CC2D2B: variants seen among roughly 807,000 people sequenced by gnomAD.
The protein encoded by CC2D2B is protein CC2D2B.
In CC2D2B, 128 loss-of-function variants were observed where a neutral mutation model predicts 161.2. That is an observed-to-expected ratio of 0.79 (90% CI 0.69 to 0.92). CC2D2B has a LOEUF of 0.92. Ranked by LOEUF, CC2D2B falls within the 40% of genes least tolerant of loss-of-function variation. The pLI is 0.00. For missense variants in CC2D2B, 1,173 were observed against 1,375.1 expected (o/e 0.85, Z 2.32); for synonymous variants, 391 against 449.8 (o/e 0.87, Z 1.65).
At chr10:95,950,477 A>G (rs41291588) in intron 10 of CC2D2B, 20,726 of 153,542 alleles carry the variant, frequency 0.13, 1,501 homozygotes, top group Middle Eastern at 0.2. Flanking sequence ...CTTGGTCTGA[A>G]GATGATTAAT....
At chr10:96,024,816 C>A in intron 32 of CC2D2B, 37 bp from the exon 33 acceptor site, 2 of 1,221,544 alleles carry the variant, frequency 1.6e-6, no homozygotes, top group South Asian at 2.6e-5. Flanking sequence ...TAAACATGGT[C>A]TCTAGAATCT....
In CC2D2B at chr10:95,991,407, G is replaced by T; in HGVS notation, c.2417G>T (p.Ser806Ile). 8.7e-7 allele frequency: 1 copy of T among 1,151,052 alleles called. No individual in the cohort carries two copies. Among genetic ancestry groups the T allele is most frequent in the Non-Finnish European group, 1.1e-6 (1 of 913,702 alleles). 71.3% of individuals were successfully genotyped at this position (1,151,052 alleles called of 1,614,324 possible). A position where few individuals can be genotyped will look rare whatever the true frequency, so the allele number is the denominator to read the frequency against. The change falls in exon 21 of 35, where the codon AGC becomes ATC. Residue 806 changes from serine (S) to isoleucine (I), a missense_variant. Around this residue, in one of 3 missense-constraint regions of CC2D2B, gnomAD observed 598 missense variants for 693.2 expected, o/e 0.86. Transcript: ENST00000646931. ...RLIMKRIVKI[S>I]KCNLSDIVND... ...ATAATGAAGAGAATTGTTAAAATTA[G>T]CAAATGTAACTTGTCAGATATTGTG...
At position 96,027,311 on chromosome 10, in the gene CC2D2B, T is replaced by G. The variant is rs776679699; in HGVS notation, c.4047T>G (p.Pro1349=). ...CTTTTATTTTGCGACAAATCCTTCC[T>G]AAGCTGGAATTTGGCATAGGAAGCT... The part of the protein sequence containing the change: ...QCTFILRQIL[P]KLEFGIGSFV... The change falls in exon 34 of 35, where the codon CCT becomes CCG. Residue 1349 remains proline (P), a synonymous_variant. Transcript: ENST00000646931. 3.2e-6 allele frequency: 5 copies of G among 1,551,320 alleles called. No individual in the cohort carries two copies. The highest frequency in any genetic ancestry group is 4.4e-6 in the Non-Finnish European group (5 of 1,146,796).
At chr10:96,012,430 C>A in intron 27 of CC2D2B, 63 bp downstream of exon 27, 2 of 826,410 alleles carry the variant, frequency 2.4e-6, no homozygotes, top group South Asian at 1.6e-5. Flanking sequence ...ATTTTAAAAA[C>A]CAGTAATAAT....
At chr10:95,924,024 A>C (rs2098533459) in intron 3 of CC2D2B, among the ~76,000 whole-genome samples, 1 of 152,144 alleles carries the variant, frequency 6.6e-6, no homozygotes, top group Non-Finnish European at 1.5e-5. Context: ...TCTGTCTCAA[A>C]AAAAATAAAA....
rs915821636 is a variant in CC2D2B at position 95,983,697 on chromosome 10, C to T, written c.2174C>T (p.Ala725Val). The T allele has an allele frequency of 3.3e-6, 4 of 1,230,570 alleles. No homozygotes were observed. Among genetic ancestry groups the T allele is most frequent in the Non-Finnish European group, 4.1e-6 (4 of 986,810 alleles). 76.2% of individuals were successfully genotyped at this position (1,230,570 alleles called of 1,614,324 possible). A position where few individuals can be genotyped will look rare whatever the true frequency, so the allele number is the denominator to read the frequency against. Residue 725 changes from alanine to valine, a missense_variant, in exon 19 of 35, where the codon GCA becomes GTA. By Grantham distance (64) the Ala-to-Val change is moderately conservative (BLOSUM62 0). Coordinates refer to ENST00000646931, the MANE Select transcript of CC2D2B (RefSeq NM_001349008.3). ...EFNFVSEEEM[A>V]KSKRFQLLQL... ...AACTTCGTTTCTGAAGAGGAAATGG[C>T]AAAGAGTAAACGTTTCCAGCTATTG...
In CC2D2B at chr10:96,031,971, T is replaced by A. The variant is rs2080084250; in HGVS notation, c.4277T>A (p.Val1426Glu). ...CCATACCCAAACAACATATTATCTG[T>A]GTGGGTCTATTTGGCTTCCTTAGTT... Reference protein sequence around the residue: ...IHPYPNNILSVWVYLASLVQH... With the variant: ...IHPYPNNILSEWVYLASLVQH... The change falls in exon 35 of 35, where the codon GTG becomes GAG. Residue 1426 changes from valine to glutamate, a missense_variant. Val to Glu is a moderately radical substitution (Grantham distance 121, BLOSUM62 -2). Transcript: ENST00000646931. 5 of 1,613,504 alleles carry A rather than the reference T, an allele frequency of 3.1e-6. No individual in the cohort carries two copies. The Admixed American group carries it at 8.3e-5, about 27-fold the overall frequency.
intron 25 of CC2D2B, among the ~76,000 whole-genome samples, chr10:96,005,569 CCT>C (rs1004647084): frequency 3.6e-4 from 54 of 152,010 alleles, no homozygotes; most frequent in Admixed American, 3.1e-3. Flanking sequence ...TTTCATTTTT[CCT>C]CTTTTTTTCT....
chr10:95,941,306 C>T (rs1009420016), intron 9 of CC2D2B, among the ~76,000 whole-genome samples: 5 of 152,012 alleles, frequency 3.3e-5, no homozygotes, highest in Admixed American at 3.3e-4. Flanking sequence ...GATATGACAC[C>T]AAAAGCGTAG....
chr10:95,968,656 T>G, intron 14 of CC2D2B, 68 bp from the exon 15 acceptor site: 2 of 604,344 alleles, frequency 3.3e-6, no homozygotes, highest in Non-Finnish European at 4.8e-6. Flanking sequence ...AATATACATT[T>G]TGAAAGAACA....
intron 2 of CC2D2B, among the ~76,000 whole-genome samples, chr10:95,916,517 T>A (rs1020986874): frequency 5.9e-5 from 9 of 152,070 alleles, no homozygotes; most frequent in Non-Finnish European, 1.5e-5. Context: ...TTTAAAAAAT[T>A]TTTTGACATA....
At chr10:95,933,686 C>G (rs1186151800) in intron 6 of CC2D2B, among the ~76,000 whole-genome samples, 2 of 152,194 alleles carry the variant, frequency 1.3e-5, no homozygotes, top group African/African-American at 4.8e-5. Flanking sequence ...TCCAGACCCC[C>G]TTTGCCTGGG....
chr10:95,967,915 G>T (rs568183838), intron 14 of CC2D2B, among the ~76,000 whole-genome samples: 1 of 152,070 alleles, frequency 6.6e-6, no homozygotes, highest in South Asian at 2.1e-4. Flanking sequence ...TTCAACTTAG[G>T]GTTTATCTTC....
chr10:96,019,795 G>A lies in CC2D2B; in HGVS notation c.3859G>A (p.Val1287Ile), dbSNP rs764238101. ...CTGGAAGCAGTTGCTTCCAAAAAAC[G>A]TTCAAGGAACAAAAATACAAAGCAT... The part of the protein sequence containing the change: ...SFWKQLLPKN[V>I]QGTKIQSIQP... The change falls in exon 32 of 35, where the codon GTT becomes ATT. Residue 1287 changes from valine to isoleucine, a missense_variant. Physicochemically the swap from Val to Ile is conservative, Grantham distance 29. Coordinates refer to ENST00000646931, the MANE Select transcript of CC2D2B (RefSeq NM_001349008.3). 34 of 1,606,042 alleles carry A rather than the reference G, an allele frequency of 2.1e-5. No individual in the cohort carries two copies. The highest frequency in any genetic ancestry group is 2.7e-5 in the Non-Finnish European group (32 of 1,177,856).
chr10:96,029,284 ATGTATATATATATATATATATG>A (rs2079949804), intron 34 of CC2D2B, among the ~76,000 whole-genome samples: 1 of 53,760 alleles, frequency 1.9e-5, no homozygotes, highest in Non-Finnish European at 3.5e-5. Flanking sequence ...ATATATATAT[ATGTATATATATATATATATATG>A]TATATCTATA....
At chr10:96,024,753 C>T in intron 32 of CC2D2B, 100 bp from the exon 33 acceptor site, 4 of 609,774 alleles carry the variant, frequency 6.6e-6, no homozygotes, top group East Asian at 6.7e-5. Flanking sequence ...GCCACAGAAG[C>T]CTGGTTTGTC....
intron 9 of CC2D2B, among the ~76,000 whole-genome samples, chr10:95,947,113 A>ATATATATTT (rs1289243570): frequency 6.2e-5 from 3 of 48,386 alleles, no homozygotes; most frequent in East Asian, 5.9e-4. Flanking sequence ...ATATATATAT[A>ATATATATTT]TTTTTTTTTT....
intron 26 of CC2D2B, among the ~76,000 whole-genome samples, chr10:96,010,174 A>G (rs180813926): frequency 1.3e-5 from 2 of 152,344 alleles, no homozygotes; most frequent in Admixed American, 6.5e-5. Context: ...GTATTTGCAT[A>G]TAAGAGTTCT....
At chr10:95,942,142 A>G (rs1027139512) in intron 9 of CC2D2B, among the ~76,000 whole-genome samples, 1 of 152,184 alleles carries the variant, frequency 6.6e-6, no homozygotes, top group Non-Finnish European at 1.5e-5. Context: ...CAGAAGGTAG[A>G]ATGGCGGTTG....
Sources: gnomAD v4.1 joint callset for allele counts (sites outside exome capture counted in the v4.1 genomes callset) on GRCh38, gnomAD v4.1.1 for gene constraint, gnomAD v4.1.1 regional missense constraint, MANE v1.5 for transcripts, NCBI Gene and HGNC (gene_info 2026-07-23, HGNC 2026-07-21) for gene names.